SPTBN1: variants seen among roughly 807,000 people sequenced by gnomAD.
SPTBN1 encodes spectrin beta chain, non-erythrocytic 1.
In SPTBN1, 32 loss-of-function variants were observed where a neutral mutation model predicts 266.4. The ratio of observed to expected loss-of-function variants is 0.12; its 90% CI spans 0.09 to 0.16. SPTBN1 has a LOEUF of 0.16. Ranked by LOEUF, SPTBN1 falls within the 10% of genes least tolerant of loss-of-function variation. The probability of loss-of-function intolerance (pLI) is 1.00; values close to 1 mark genes in which losing one functional copy is unlikely to be tolerated. For missense variants in SPTBN1, 2,296 were observed against 3,067.1 expected, an observed-to-expected ratio of 0.75 and a Z score of 5.94; for synonymous variants, 1,336 against 1,162.2, an observed-to-expected ratio of 1.15 and a Z score of -3.04.
chr2:54,522,080 T>G (rs1315325505), intron 1 of SPTBN1, among the ~76,000 whole-genome samples: 1 of 151,230 alleles, frequency 6.6e-6, no homozygotes, highest in African/African-American at 2.4e-5. Flanking sequence ...TTTTTTATTT[T>G]TGTGGAGATG....
At chr2:54,508,141 G>A (rs940767862) in intron 1 of SPTBN1, among the ~76,000 whole-genome samples, 1 of 152,168 alleles carries the variant, frequency 6.6e-6, no homozygotes, top group African/African-American at 2.4e-5. Flanking sequence ...CTGAGAAACT[G>A]CTTGGGTGAT....
At chr2:54,475,630 G>T (rs1558758600) in intron 1 of SPTBN1, among the ~76,000 whole-genome samples, 1 of 152,118 alleles carries the variant, frequency 6.6e-6, no homozygotes, top group Non-Finnish European at 1.5e-5. Context: ...CTGTGAGTTT[G>T]AGCCACAGAA....
At chr2:54,625,836 C>T in intron 11 of SPTBN1, 96 bp from the exon 12 acceptor site, 33 of 1,367,488 alleles carry the variant, frequency 2.4e-5, no homozygotes, top group Non-Finnish European at 3.3e-5. Flanking sequence ...AGTGATCTGC[C>T]CGCCTCGGCC....
chr2:54,670,386 A>G lies in SPTBN1; in HGVS notation c.*1817A>G, dbSNP rs1681647702. On this transcript the variant is annotated 3_prime_UTR_variant, in exon 36 of 36. Transcript: ENST00000356805. ...GATATTAGTATTATGGATGTCCAGTAAGTTATTCCACAAAGACCATGCCTA... is the reference window on the plus strand; with the variant it reads ...GATATTAGTATTATGGATGTCCAGTGAGTTATTCCACAAAGACCATGCCTA... 1 of 270,292 alleles carries G rather than the reference A, an allele frequency of 3.7e-6. No individual in the cohort carries two copies. The highest frequency in any genetic ancestry group is 6.9e-6 in the Non-Finnish European group (1 of 145,122). 16.7% of individuals were successfully genotyped at this position (270,292 alleles called of 1,614,324 possible). A position where few individuals can be genotyped will look rare whatever the true frequency, so the allele number is the denominator to read the frequency against.
intron 17 of SPTBN1, 43 bp downstream of exon 17, chr2:54,632,811 G>T (rs1260855996): frequency 2.5e-6 from 4 of 1,599,218 alleles, no homozygotes; most frequent in African/African-American, 1.3e-5. Context: ...GCACCTTGGG[G>T]CTCTCAAACT....
At chr2:54,476,701 C>A (rs545698411) in intron 1 of SPTBN1, among the ~76,000 whole-genome samples, 2 of 152,248 alleles carry the variant, frequency 1.3e-5, no homozygotes, top group South Asian at 2.1e-4. Flanking sequence ...TGTTCTCATA[C>A]AAAGCAAGTA....
chr2:54,555,360 G>A (rs191207792), intron 2 of SPTBN1, among the ~76,000 whole-genome samples: 12 of 152,264 alleles, frequency 7.9e-5, no homozygotes, highest in Admixed American at 1.3e-4. Flanking sequence ...TGTCTAGAAG[G>A]AAATGTGCAC....
At position 54,628,341 on chromosome 2, in the gene SPTBN1, C is replaced by A; in HGVS notation, c.1798+91C>A. ...TGGGGCTTTTGAAGTTACTGTGCCA[C>A]TATACATTCCTGGTGGGTTTGTCAT... On this transcript the variant is annotated intron_variant, in intron 13 of 35. Coordinates refer to ENST00000356805, the MANE Select transcript of SPTBN1 (RefSeq NM_003128.3). This position sits in a 1 kb window ranked among gnomAD's most constrained non-coding sequence, Gnocchi z 4.3. 1 of 1,429,110 alleles carries A rather than the reference C, an allele frequency of 7.0e-7. No homozygotes were observed. The allele number at this position is 1,429,110 out of a possible 1,614,324, so 88.5% of individuals were successfully genotyped here. A position where few individuals can be genotyped will look rare whatever the true frequency, so the allele number is the denominator to read the frequency against.
chr2:54,518,454 T>TA (rs66586310), intron 1 of SPTBN1, among the ~76,000 whole-genome samples: 35,007 of 143,624 alleles, frequency 0.24, 4,706 homozygotes, highest in Non-Finnish European at 0.32. Context: ...AAAGTATAAT[T>TA]AAAAAAAAAA....
intron 2 of SPTBN1, among the ~76,000 whole-genome samples, chr2:54,537,369 T>C (rs1357740552): frequency 6.6e-6 from 1 of 152,206 alleles, no homozygotes; most frequent in East Asian, 1.9e-4. Flanking sequence ...CGGAAGATCC[T>C]TTTATACCAG....
chr2:54,534,743 A>G (rs573907690), intron 2 of SPTBN1, among the ~76,000 whole-genome samples: 2 of 152,288 alleles, frequency 1.3e-5, no homozygotes, highest in East Asian at 3.9e-4. Context: ...CACCTCAGCA[A>G]TGGCTGAAAT....
chr2:54,517,115 G>C (rs771909775), intron 1 of SPTBN1, among the ~76,000 whole-genome samples: 1 of 85,368 alleles, frequency 1.2e-5, no homozygotes, highest in Non-Finnish European at 2.2e-5. Context: ...CTGAGTTGAT[G>C]TTAATGCTGG....
At chr2:54,648,662 G>A (rs2941594) in intron 24 of SPTBN1, among the ~76,000 whole-genome samples, 13,599 of 152,234 alleles carry the variant, frequency 0.089, 641 homozygotes, top group Middle Eastern at 0.15. Context: ...GGTGCAGAGA[G>A]AATTTTCCCC....
chr2:54,534,733 C>T (rs1311123533), intron 2 of SPTBN1, among the ~76,000 whole-genome samples: 10 of 152,230 alleles, frequency 6.6e-5, no homozygotes, highest in Admixed American at 6.5e-4. Flanking sequence ...ACTCTCTTCT[C>T]ACCTCAGCAA....
At chr2:54,580,718 C>G (rs1360829439) in intron 2 of SPTBN1, among the ~76,000 whole-genome samples, 1 of 151,910 alleles carries the variant, frequency 6.6e-6, no homozygotes, top group Non-Finnish European at 1.5e-5. Flanking sequence ...TGTATACTTC[C>G]AAAAGTACAG....
rs1355505257 is a variant in SPTBN1, at chr2:54,645,673, T to A, written c.4494+220T>A. ...ATCTAGGGATACTGTAGGATTTTAATGGCCCTAAAACAGACTTTTTAAAAG... is the reference window on the plus strand; with the variant it reads ...ATCTAGGGATACTGTAGGATTTTAAAGGCCCTAAAACAGACTTTTTAAAAG... On this transcript the variant is annotated intron_variant, in intron 21 of 35. Coordinates refer to ENST00000356805, the MANE Select transcript of SPTBN1 (RefSeq NM_003128.3). This position sits in a 1 kb window ranked among gnomAD's most constrained non-coding sequence, Gnocchi z 4.3. Among the ~76,000 whole-genome samples the A allele has an allele frequency of 6.6e-6, 1 of 152,220 alleles. No individual in the cohort carries two copies. Among genetic ancestry groups the A allele is most frequent in the Non-Finnish European group, 1.5e-5 (1 of 68,044 alleles).
chr2:54,579,755 T>G (rs1261922337), intron 2 of SPTBN1, among the ~76,000 whole-genome samples: 1 of 152,224 alleles, frequency 6.6e-6, no homozygotes, highest in Non-Finnish European at 1.5e-5. Flanking sequence ...GGAACCAGTT[T>G]TAGCCAATGC....
chr2:54,549,857 A>G (rs1312013767), intron 2 of SPTBN1, among the ~76,000 whole-genome samples: 1 of 152,186 alleles, frequency 6.6e-6, no homozygotes, highest in Non-Finnish European at 1.5e-5. Context: ...GGCACTGATC[A>G]GTTTGGGTGT....
chr2:54,479,735 G>C (rs1008756823), intron 1 of SPTBN1, among the ~76,000 whole-genome samples: 2 of 152,132 alleles, frequency 1.3e-5, no homozygotes, highest in Non-Finnish European at 2.9e-5. Flanking sequence ...AATGTTGTTT[G>C]GCACATAGCT....
Sources: allele counts gnomAD v4.1 joint callset (sites outside exome capture counted in the v4.1 genomes callset), GRCh38; gene constraint gnomAD v4.1.1; non-coding constraint Gnocchi (gnomAD v3.1); transcripts MANE v1.5; gene names NCBI Gene and HGNC (gene_info 2026-07-23, HGNC 2026-07-21).